GRID2IP: variants seen among roughly 807,000 people sequenced by gnomAD.
GRID2IP encodes delphilin.
GRID2IP carries 78 observed loss-of-function variants against 114.3 expected under a neutral mutation model. The ratio of observed to expected loss-of-function variants is 0.68; its 90% CI spans 0.57 to 0.82. The LOEUF is 0.82. Ranked by LOEUF, GRID2IP falls within the 40% of genes least tolerant of loss-of-function variation. GRID2IP has a pLI of 0.00. For synonymous variants in GRID2IP, 809 were observed against 724.0 expected, an observed-to-expected ratio of 1.12 and a Z score of -1.89; for missense variants, 1,727 against 1,678.5, an observed-to-expected ratio of 1.03 and a Z score of -0.51.
At chr7:6,544,623 A>G (rs979374138) in intron 1 of GRID2IP, among the ~76,000 whole-genome samples, 8 of 152,054 alleles carry the variant, frequency 5.3e-5, no homozygotes, top group Admixed American at 5.3e-4. Flanking sequence ...CCTGCAGCTT[A>G]TATAAATGTT....
intron 1 of GRID2IP, among the ~76,000 whole-genome samples, chr7:6,548,261 G>C (rs970208697): frequency 6.6e-6 from 1 of 152,046 alleles, no homozygotes; most frequent in Non-Finnish European, 1.5e-5. Flanking sequence ...GCTGAGCCAG[G>C]AGAATTGCTT....
chr7:6,522,714 C>T (rs1357742806), intron 4 of GRID2IP, among the ~76,000 whole-genome samples: 6 of 150,218 alleles, frequency 4.0e-5, no homozygotes, highest in Admixed American at 6.6e-5. Flanking sequence ...GGTGTGATCT[C>T]GGCTCACTGC....
chr7:6,532,501 C>G lies in GRID2IP; in HGVS notation c.585-5732G>C, dbSNP rs1331323711. Among the ~76,000 whole-genome samples the G allele has an allele frequency of 2.6e-5, 4 of 152,160 alleles. No homozygotes were observed. In the East Asian group the frequency reaches 7.7e-4, roughly 29 times the overall value. Reference sequence around the variant, plus strand: ...ATACACTGCAGCCCCCCATTCCTGGCCCTTGCAAGACCATCACTTTGCTGT... The same window carrying G: ...ATACACTGCAGCCCCCCATTCCTGGGCCTTGCAAGACCATCACTTTGCTGT... On this transcript the variant is annotated intron_variant, in intron 2 of 21. Transcript: ENST00000457091. This position sits in a 1 kb window ranked among gnomAD's most constrained non-coding sequence, Gnocchi z 4.4.
chr7:6,536,688 CG>C lies in GRID2IP; in HGVS notation c.584+3029del, dbSNP rs879188313. 1.1e-5 allele frequency: 7 copies of C among 649,274 alleles called. No homozygotes were observed. Among genetic ancestry groups the C allele is most frequent in the Non-Finnish European group, 5.7e-6 (2 of 352,336 alleles). The allele number at this position is 649,274 out of a possible 1,614,324, so 40.2% of individuals were successfully genotyped here. On this transcript the variant is annotated intron_variant, in intron 2 of 21. Coordinates refer to ENST00000457091, the MANE Select transcript of GRID2IP (RefSeq NM_001145118.2). This position sits in a 1 kb window ranked among gnomAD's most constrained non-coding sequence, Gnocchi z 5.3. ...CCATCCCTGGTGGGGAGGGGCGGGA[CG>C]GGGGGCTGCCTGTCAATCAGCTCCC...
At position 6,508,941 on chromosome 7, in the gene GRID2IP, C is replaced by T; in HGVS notation, c.2127+17G>A. The T allele has an allele frequency of 1.7e-5, 26 of 1,541,722 alleles. No homozygotes were observed. Among genetic ancestry groups the T allele is most frequent in the Non-Finnish European group, 2.3e-5 (26 of 1,145,406 alleles). ...CTCGCCTCACCCGCCTCCCTCCACA[C>T]CTGCTTGCGTGCCCACCTCCTCGTA... On this transcript the variant is annotated intron_variant, in intron 12 of 21. Coordinates refer to ENST00000457091, the MANE Select transcript of GRID2IP (RefSeq NM_001145118.2). This position sits in a 1 kb window ranked among gnomAD's most constrained non-coding sequence, Gnocchi z 5.6.
At chr7:6,511,911 CTT>C (rs1200413774) in intron 8 of GRID2IP, among the ~76,000 whole-genome samples, 1 of 151,390 alleles carries the variant, frequency 6.6e-6, no homozygotes, top group Non-Finnish European at 1.5e-5. Flanking sequence ...CTCTTTCTCT[CTT>C]TCTCTCTTTA....
At chr7:6,524,937 C>G (rs1039560299) in intron 4 of GRID2IP, among the ~76,000 whole-genome samples, 1 of 151,614 alleles carries the variant, frequency 6.6e-6, no homozygotes, top group African/African-American at 2.4e-5. Context: ...CCAGGATGGT[C>G]TCGATCTCCT....
intron 4 of GRID2IP, 122 bp from the exon 5 acceptor site, chr7:6,522,079 G>T: frequency 1.3e-6 from 1 of 761,038 alleles, no homozygotes; most frequent in Non-Finnish European, 2.2e-6. Flanking sequence ...GCCGGGCATG[G>T]TGGCTCACAC....
intron 1 of GRID2IP, among the ~76,000 whole-genome samples, chr7:6,549,349 G>A (rs937744060): frequency 1.3e-5 from 2 of 152,216 alleles, no homozygotes; most frequent in Non-Finnish European, 2.9e-5. Flanking sequence ...TCCTGCAGGT[G>A]ACTCAGGCCT....
At chr7:6,512,231 C>CTTT (rs1002835555) in intron 8 of GRID2IP, among the ~76,000 whole-genome samples, 3,638 of 90,098 alleles carry the variant, frequency 0.04, 344 homozygotes, top group African/African-American at 0.093. Flanking sequence ...TTCTTTTCTT[C>CTTT]TTTTTTTTTT....
intron 4 of GRID2IP, among the ~76,000 whole-genome samples, chr7:6,522,859 GTTTCGCCATA>G (rs1355389672): frequency 2.0e-5 from 3 of 149,852 alleles, no homozygotes; most frequent in Non-Finnish European, 4.5e-5. Flanking sequence ...TAGAGATGAG[GTTTCGCCATA>G]TTGCCCAGGC....
At chr7:6,539,163 C>G (rs1439114327) in intron 2 of GRID2IP, among the ~76,000 whole-genome samples, 1 of 149,550 alleles carries the variant, frequency 6.7e-6, no homozygotes, top group Non-Finnish European at 1.5e-5. Context: ...GTGTCTTGCT[C>G]TGTCATCCAG....
chr7:6,510,570 C>T, intron 10 of GRID2IP, 39 bp downstream of exon 10: 2 of 1,455,260 alleles, frequency 1.4e-6, no homozygotes, highest in Non-Finnish European at 1.8e-6. Context: ...CATTCCCTGC[C>T]CCCTACTGAC....
Position 6,509,612 on chromosome 7 carries a change from G to A in GRID2IP, c.1772-299C>T, listed in dbSNP as rs536082706. On this transcript the variant is annotated intron_variant, in intron 11 of 21. Coordinates refer to ENST00000457091, the MANE Select transcript of GRID2IP (RefSeq NM_001145118.2). The surrounding 1 kb of genome is among the most constrained non-coding windows in gnomAD (Gnocchi z 4.9). ...GAACACCATTAACTCAAAGGGTGGA[G>A]GGGTTTCTCTAGGGCCCAGAGCCAC... Among the ~76,000 whole-genome samples the A allele has an allele frequency of 9.2e-5, 14 of 152,314 alleles. No individual in the cohort carries two copies. The highest frequency in any genetic ancestry group is 2.9e-4 in the African/African-American group (12 of 41,564).
At chr7:6,510,437 T>C (rs1469171482) in intron 10 of GRID2IP, 37 bp from the exon 11 acceptor site, 4 of 1,448,346 alleles carry the variant, frequency 2.8e-6, no homozygotes, top group Non-Finnish European at 3.7e-6. Context: ...CCCATTCTGC[T>C]TCCCCTCGTA....
rs1037484624 is a variant in GRID2IP at position 6,509,798 on chromosome 7, G to A, written c.1771+485C>T. Among the ~76,000 whole-genome samples the A allele has an allele frequency of 2.0e-5, 3 of 152,150 alleles. No homozygotes were observed. The highest frequency in any genetic ancestry group is 1.9e-4 in the East Asian group (1 of 5,198). On this transcript the variant is annotated intron_variant, in intron 11 of 21. Coordinates refer to ENST00000457091, the MANE Select transcript of GRID2IP (RefSeq NM_001145118.2). This position sits in a 1 kb window ranked among gnomAD's most constrained non-coding sequence, Gnocchi z 4.9. ...TTATCCAATAACCACTTGCTAACTC[G>A]GGGACTTCCTCAGAATCAGGCATCT...
rs1786737868 is a variant in GRID2IP at position 6,510,343 on chromosome 7, T to C, written c.1711A>G (p.Met571Val). The C allele has an allele frequency of 6.5e-7, 1 of 1,547,532 alleles. No individual in the cohort carries two copies. ...GCCCGGGATTTGGACACGGTCCCCA[T>C]CTTCCCTTTGAAGCTGCTGTTCAGT... ...SRLNSSFKGK[M>V]GTVSKSRASP... is the part of the protein sequence containing the mutation. Residue 571 changes from methionine to valine, a missense_variant, in exon 11 of 22, where the codon ATG becomes GTG. By Grantham distance (21) the Met-to-Val change is conservative. Transcript: ENST00000457091.
At position 6,539,838 on chromosome 7, in the gene GRID2IP, T is replaced by G; in HGVS notation, c.464A>C (p.Lys155Thr). 1 of 1,551,356 alleles carries G rather than the reference T, an allele frequency of 6.4e-7. No individual in the cohort carries two copies. The highest frequency in any genetic ancestry group is 8.7e-7 in the Non-Finnish European group (1 of 1,146,926). The change falls in exon 2 of 22, where the codon AAG (lysine) becomes ACG (threonine). Residue 155 changes from lysine (K) to threonine (T), a missense_variant. Coordinates refer to ENST00000457091, the MANE Select transcript of GRID2IP (RefSeq NM_001145118.2). The stretch of plus-strand genomic sequence containing the variant: ...CTTCAGTGCAGCGAACACCTGCTCC[T>G]TGGCAGTTGGCTGGTCCCCCAAGAT... ...DEILGDQPTAKEQVFAALKQF... is the reference protein window; with the variant it reads ...DEILGDQPTATEQVFAALKQF...
intron 7 of GRID2IP, among the ~76,000 whole-genome samples, chr7:6,515,323 G>A (rs1234397685): frequency 2.0e-5 from 3 of 152,076 alleles, no homozygotes; most frequent in East Asian, 1.9e-4. Flanking sequence ...TTAGCTGGGC[G>A]TGGTGGCATG....
Sources: gnomAD v4.1 joint callset for allele counts (sites outside exome capture counted in the v4.1 genomes callset) on GRCh38, gnomAD v4.1.1 for gene constraint, Gnocchi (gnomAD v3.1) non-coding constraint, MANE v1.5 for transcripts, NCBI Gene and HGNC (gene_info 2026-07-23, HGNC 2026-07-21) for gene names.